ADAR: variants seen among roughly 807,000 people sequenced by gnomAD.
The protein encoded by ADAR is adenosine deaminase RNA specific.
A neutral mutation model predicts 113.2 loss-of-function variants in ADAR; 41 were observed. The ratio of observed to expected loss-of-function variants is 0.36; its 90% confidence interval spans 0.28 to 0.47. The LOEUF (loss-of-function observed/expected upper bound fraction) is 0.47. Among genes scored for constraint, ADAR ranks in the 20% least tolerant of loss-of-function variants. The pLI is 1.00. For missense variants in ADAR, 1,242 were observed against 1,540.9 expected (o/e 0.81, Z 3.25); for synonymous variants, 605 against 572.6 (o/e 1.06, Z -0.81).
intron 2 of ADAR, among the ~76,000 whole-genome samples, chr1:154,598,807 G>A (rs1157388289): frequency 6.6e-6 from 1 of 152,194 alleles, no homozygotes; most frequent in Non-Finnish European, 1.5e-5. Context: ...GCTCAGTGAA[G>A]CAAACATAGG....
chr1:154,597,360 TA>T, intron 4 of ADAR, 93 bp from the exon 5 acceptor site: 2 of 1,473,044 alleles, frequency 1.4e-6, no homozygotes, highest in Non-Finnish European at 1.9e-6. Context: ...CCACTACTGG[TA>T]ATTTCCTTGA....
chr1:154,584,955 G>T lies in ADAR; in HGVS notation c.3532C>A (p.Leu1178Met). The change falls in exon 15 of 15, where the codon CTG (leucine) becomes ATG (methionine). Residue 1178 changes from leucine (L) to methionine (M), a missense_variant. Physicochemically the swap from Leu to Met is conservative, Grantham distance 15. Transcript: ENST00000368474. ...LCSFRYRRDLLRLSYGEAKKA... is the reference protein window; with the variant it reads ...LCSFRYRRDLMRLSYGEAKKA... ...TTGGCCTCACCATAGGAGAGTCTCAGTAGATCCCTGCGGTAACGGAAGGAG... is the reference window on the plus strand; with the variant it reads ...TTGGCCTCACCATAGGAGAGTCTCATTAGATCCCTGCGGTAACGGAAGGAG... 3 of 1,614,182 alleles carry T rather than the reference G, an allele frequency of 1.9e-6. No individual in the cohort carries two copies. The highest frequency in any genetic ancestry group is 2.5e-6 in the Non-Finnish European group (3 of 1,180,030).
chr1:154,587,727 T>A (rs1255303882), intron 11 of ADAR, among the ~76,000 whole-genome samples: 1 of 152,172 alleles, frequency 6.6e-6, no homozygotes, highest in African/African-American at 2.4e-5. Context: ...GCATTTGGCA[T>A]CCTCATCTGT....
chr1:154,626,033 G>A (rs962605551), intron 1 of ADAR, among the ~76,000 whole-genome samples: 3 of 150,318 alleles, frequency 2.0e-5, no homozygotes, highest in African/African-American at 4.9e-5. Flanking sequence ...AATTAGCCAG[G>A]CATGGTGGTG....
At chr1:154,588,722 GC>G in intron 9 of ADAR, 49 bp from the exon 10 acceptor site, 2 of 1,612,902 alleles carry the variant, frequency 1.2e-6, no homozygotes, top group Non-Finnish European at 1.7e-6. Flanking sequence ...TCTGGGAAAA[GC>G]AGTTGTTTCT....
At chr1:154,610,986 C>T (rs1021765178), upstream of ADAR, among the ~76,000 whole-genome samples, 3 of 152,010 alleles carry the variant, frequency 2.0e-5, no homozygotes, top group African/African-American at 7.3e-5. Context: ...TATACATTTA[C>T]GTTTTATTCA....
chr1:154,591,486 T>C (rs1375027082), intron 6 of ADAR, among the ~76,000 whole-genome samples: 1 of 152,228 alleles, frequency 6.6e-6, no homozygotes, highest in Non-Finnish European at 1.5e-5. Context: ...GGGTAAGGAA[T>C]GGATCTTGGG....
chr1:154,607,884 C>A (rs1287715213), intron 1 of ADAR, 108 bp downstream of exon 1: 10 of 1,547,532 alleles, frequency 6.5e-6, no homozygotes, highest in Non-Finnish European at 8.8e-6. Context: ...CACACACACA[C>A]ACACTCTAAC....
In ADAR at chr1:154,582,132, CA is replaced by C. The variant is rs1039301688; in HGVS notation, c.*2673del. ...TTGTTAAGTCACTGTTATCAAGGGACACATAAAAGCAGAATCATAAAACTGG... is the reference window on the plus strand; with the variant it reads ...TTGTTAAGTCACTGTTATCAAGGGACCATAAAAGCAGAATCATAAAACTGG... On this transcript the variant is annotated 3_prime_UTR_variant, in exon 15 of 15. Transcript: ENST00000368474. The C allele has an allele frequency of 6.6e-6, 1 of 152,316 alleles. No homozygotes were observed. The highest frequency in any genetic ancestry group is 6.6e-5 in the Admixed American group (1 of 15,242). The allele number at this position is 152,316 out of a possible 1,614,324, so 9.4% of individuals were successfully genotyped here.
At chr1:154,618,647 A>T (rs1241958794) in intron 1 of ADAR, among the ~76,000 whole-genome samples, 2 of 152,210 alleles carry the variant, frequency 1.3e-5, no homozygotes, top group Non-Finnish European at 2.9e-5. Context: ...CCAATGCATG[A>T]TGAGGAACCA....
chr1:154,598,380 C>G, intron 3 of ADAR, 22 bp downstream of exon 3: 2 of 1,612,036 alleles, frequency 1.2e-6, no homozygotes, highest in Non-Finnish European at 1.7e-6. Flanking sequence ...CTGATCCTCC[C>G]AGATGGCAGG....
Position 154,601,913 on chromosome 1 carries a change from C to A in ADAR, c.729G>T (p.Glu243Asp), listed in dbSNP as rs1697905754. Residue 243 changes from glutamate to aspartate, a missense_variant, in exon 2 of 15, where the codon GAG (glutamate) becomes GAT (aspartate). Around this residue, in one of 2 missense-constraint regions of ADAR, gnomAD observed 462 missense variants for 483.1 expected, o/e 0.96. Coordinates refer to ENST00000368474, the MANE Select transcript of ADAR (RefSeq NM_001111.5). The surrounding 1 kb of genome is among the most constrained non-coding windows in gnomAD (Gnocchi z 4.7). ...CCTGAGCTGAGACTGCAATAAAAGG[C>A]TCAAGAAGATCTTCTGAGACAGATG... Reference protein sequence around the residue: ...NSTSVSEDLLEPFIAVSAQAW... With the variant: ...NSTSVSEDLLDPFIAVSAQAW... 6.2e-7 allele frequency: 1 copy of A among 1,614,100 alleles called. No homozygotes were observed. The highest frequency in any genetic ancestry group is 1.1e-5 in the South Asian group (1 of 91,072).
rs1450209868 is a variant in ADAR at position 154,601,962 on chromosome 1, A to C, written c.680T>G (p.Leu227Trp). Residue 227 changes from leucine (L) to tryptophan (W), a missense_variant, in exon 2 of 15, where the codon TTG becomes TGG. Around this residue, in one of 2 missense-constraint regions of ADAR, gnomAD observed 462 missense variants for 483.1 expected, o/e 0.96. Coordinates refer to ENST00000368474, the MANE Select transcript of ADAR (RefSeq NM_001111.5). This position sits in a 1 kb window ranked among gnomAD's most constrained non-coding sequence, Gnocchi z 4.7. Reference sequence around the variant, plus strand: ...TGTGGAGTTTCTGTCTTCCGGTTCCAAACTCGGGTCTGAGTTTGGGGCTCC... The same window carrying C: ...TGTGGAGTTTCTGTCTTCCGGTTCCCAACTCGGGTCTGAGTTTGGGGCTCC... ...SQGAPNSDPS[L>W]EPEDRNSTSV... 6.2e-7 allele frequency: 1 copy of C among 1,614,106 alleles called. No individual in the cohort carries two copies. The highest frequency in any genetic ancestry group is 8.5e-7 in the Non-Finnish European group (1 of 1,180,012).
intron 1 of ADAR, among the ~76,000 whole-genome samples, chr1:154,615,504 G>C (rs1209475370): frequency 2.0e-5 from 3 of 152,138 alleles, no homozygotes; most frequent in African/African-American, 7.2e-5. Context: ...CAAACTCCTG[G>C]GCTCAAGCAA....
In ADAR at chr1:154,601,569, T is replaced by G; in HGVS notation, c.1073A>C (p.Lys358Thr). 1 of 1,612,532 alleles carries G rather than the reference T, an allele frequency of 6.2e-7. No individual in the cohort carries two copies. The highest frequency in any genetic ancestry group is 1.1e-5 in the South Asian group (1 of 91,092). ...CTTGATTTGCATCCTCTCTCGCTTC[T>G]TGTCTGTCAAATGCCATATGGGAGG... ...TTPPIWHLTDKKRERMQIKRN... is the reference protein window; with the variant it reads ...TTPPIWHLTDTKRERMQIKRN... The change falls in exon 2 of 15, where the codon AAG (lysine) becomes ACG (threonine). Residue 358 changes from lysine to threonine, a missense_variant. Lys to Thr is a moderately conservative substitution (Grantham distance 78, BLOSUM62 -1). Around this residue, in one of 2 missense-constraint regions of ADAR, gnomAD observed 462 missense variants for 483.1 expected, o/e 0.96. Transcript: ENST00000368474. This position sits in a 1 kb window ranked among gnomAD's most constrained non-coding sequence, Gnocchi z 4.7.
intron 3 of ADAR, 120 bp from the exon 4 acceptor site, chr1:154,598,096 CA>C: frequency 2.4e-6 from 3 of 1,244,012 alleles, no homozygotes; most frequent in Non-Finnish European, 2.3e-6. Flanking sequence ...GTTGGCTTCC[CA>C]AAGTTAAAGG....
intron 6 of ADAR, among the ~76,000 whole-genome samples, chr1:154,590,786 TAAA>T (rs5777920): frequency 3.4e-5 from 4 of 119,118 alleles, no homozygotes; most frequent in Admixed American, 8.8e-5. Context: ...CCCTGTCTCT[TAAA>T]AAAAAAAAAA....
chr1:154,597,703 T>C, intron 4 of ADAR, 125 bp downstream of exon 4: 2 of 1,329,246 alleles, frequency 1.5e-6, no homozygotes, highest in Non-Finnish European at 2.1e-6. Context: ...CTCAGAGCCC[T>C]CCTTTCCCCA....
rs1427767366 is a variant in ADAR at position 154,583,885 on chromosome 1, T to G, written c.*921A>C. On this transcript the variant is annotated 3_prime_UTR_variant, in exon 15 of 15. Coordinates refer to ENST00000368474, the MANE Select transcript of ADAR (RefSeq NM_001111.5). ...AGAGATGATTTTATACCCTCTAGGA[T>G]TTGTCCCGTTGGCTAGGGTGTACGC... 1 of 152,204 alleles carries G rather than the reference T, an allele frequency of 6.6e-6. No homozygotes were observed. The highest frequency in any genetic ancestry group is 1.5e-5 in the Non-Finnish European group (1 of 68,044). The allele number at this position is 152,204 out of a possible 1,614,324, so 9.4% of individuals were successfully genotyped here.
Sources: gnomAD v4.1 joint callset for allele counts (sites outside exome capture counted in the v4.1 genomes callset) on GRCh38, gnomAD v4.1.1 for gene constraint, gnomAD v4.1.1 regional missense constraint, Gnocchi (gnomAD v3.1) non-coding constraint, MANE v1.5 for transcripts, NCBI Gene and HGNC (gene_info 2026-07-23, HGNC 2026-07-21) for gene names.